Variants in ALDH1A2 observed in about 807,000 individuals in gnomAD.
ALDH1A2 encodes the protein aldehyde dehydrogenase 1 family member A2.
Under a neutral mutation model 60.3 loss-of-function variants are expected in ALDH1A2, and 27 were observed. The observed-to-expected ratio is 0.45, with a 90% CI of 0.33 to 0.62. ALDH1A2 has a LOEUF of 0.62. Among genes scored for constraint, ALDH1A2 ranks in the 20% least tolerant of loss-of-function variants. The pLI is 0.02. For synonymous variants in ALDH1A2, 289 were observed against 232.4 expected (o/e 1.24, Z -2.21); for missense variants, 581 against 643.8 (o/e 0.90, Z 1.06).
At chr15:58,061,016 A>AGAAT (rs1194367608) in intron 1 of ALDH1A2, among the ~76,000 whole-genome samples, 2 of 152,212 alleles carry the variant, frequency 1.3e-5, no homozygotes, top group Non-Finnish European at 2.9e-5. Flanking sequence ...AGGAAGTCAG[A>AGAAT]CCTCACAAAA....
chr15:57,998,211 C>G (rs1162260590), intron 4 of ALDH1A2, among the ~76,000 whole-genome samples: 3 of 151,844 alleles, frequency 2.0e-5, no homozygotes, highest in Non-Finnish European at 2.9e-5. Context: ...CTTTCTCAGG[C>G]AAGAGAAAGA....
chr15:57,968,703 C>A (rs751795265), intron 7 of ALDH1A2, among the ~76,000 whole-genome samples: 1 of 152,206 alleles, frequency 6.6e-6, no homozygotes, highest in Admixed American at 6.5e-5. Context: ...GAGTTTTACA[C>A]ATAGTAAGAT....
At chr15:58,017,177 T>G (rs1427367579) in intron 1 of ALDH1A2, among the ~76,000 whole-genome samples, 1 of 152,140 alleles carries the variant, frequency 6.6e-6, no homozygotes, top group Non-Finnish European at 1.5e-5. Flanking sequence ...TCTAACCCAT[T>G]AATTATTTAA....
intron 7 of ALDH1A2, among the ~76,000 whole-genome samples, chr15:57,966,631 C>T (rs1313171788): frequency 6.6e-6 from 1 of 152,220 alleles, no homozygotes; most frequent in Non-Finnish European, 1.5e-5. Context: ...GAGAAGCCCT[C>T]TTCCAAGTGG....
At chr15:58,030,902 A>G (rs1397886034) in intron 1 of ALDH1A2, among the ~76,000 whole-genome samples, 1 of 152,220 alleles carries the variant, frequency 6.6e-6, no homozygotes, top group African/African-American at 2.4e-5. Flanking sequence ...AGACGGAAGA[A>G]CATTCCATGC....
At chr15:57,978,160 TCTTC>T (rs1264446333) in intron 7 of ALDH1A2, among the ~76,000 whole-genome samples, 2 of 152,212 alleles carry the variant, frequency 1.3e-5, no homozygotes, top group African/African-American at 2.4e-5. Context: ...TGACTTCCTC[TCTTC>T]CTAATTGAAT....
Position 58,016,519 on chromosome 15 carries a change from A to G in ALDH1A2, c.118-2238T>C, listed in dbSNP as rs143530458. Among the ~76,000 whole-genome samples, 1,382 of 152,292 alleles carry G rather than the reference A, an allele frequency of 9.1e-3. 18 individuals carry two copies. Among genetic ancestry groups the G allele is most frequent in the South Asian group, 0.031 (152 of 4,826 alleles). On this transcript the variant is annotated intron_variant, in intron 1 of 12. Coordinates refer to ENST00000249750, the MANE Select transcript of ALDH1A2 (RefSeq NM_003888.4). Reference sequence around the variant, plus strand: ...ATATTTCATGACTTTTGTTTCTTACAGGTTTTCCAAAAATCAAAAGGAAAA... The same window carrying G: ...ATATTTCATGACTTTTGTTTCTTACGGGTTTTCCAAAAATCAAAAGGAAAA...
At chr15:58,001,470 C>T (rs1895267270) in intron 4 of ALDH1A2, among the ~76,000 whole-genome samples, 1 of 151,870 alleles carries the variant, frequency 6.6e-6, no homozygotes, top group Non-Finnish European at 1.5e-5. Context: ...TACAGAGAAA[C>T]ATTCCCTGGA....
At chr15:57,991,804 C>T (rs1234575031) in intron 7 of ALDH1A2, among the ~76,000 whole-genome samples, 1 of 152,142 alleles carries the variant, frequency 6.6e-6, no homozygotes, top group African/African-American at 2.4e-5. Flanking sequence ...TAGCACTGTT[C>T]TAGACCTGCG....
At chr15:58,053,787 A>G (rs1896832429) in intron 1 of ALDH1A2, among the ~76,000 whole-genome samples, 1 of 152,176 alleles carries the variant, frequency 6.6e-6, no homozygotes, top group Non-Finnish European at 1.5e-5. Context: ...ACACATCACT[A>G]AATAGCTACA....
At chr15:57,988,909 C>T (rs1894801573) in intron 7 of ALDH1A2, among the ~76,000 whole-genome samples, 1 of 152,126 alleles carries the variant, frequency 6.6e-6, no homozygotes, top group African/African-American at 2.4e-5. Flanking sequence ...TGGCTCACAC[C>T]TGTAATCCCA....
intron 1 of ALDH1A2, among the ~76,000 whole-genome samples, chr15:58,052,306 T>C (rs200002527): frequency 1.3e-5 from 2 of 152,244 alleles, no homozygotes; most frequent in Middle Eastern, 3.4e-3. Context: ...TCCCAAGTTC[T>C]GGGCCCAGGA....
chr15:57,955,807 C>T (rs570646038), intron 12 of ALDH1A2, among the ~76,000 whole-genome samples: 45 of 152,214 alleles, frequency 3.0e-4, no homozygotes, highest in Non-Finnish European at 6.0e-4. Context: ...TGTCCTTCTG[C>T]GTGTTTACTA....
At chr15:58,029,058 T>C (rs571263549) in intron 1 of ALDH1A2, among the ~76,000 whole-genome samples, 2 of 149,170 alleles carry the variant, frequency 1.3e-5, no homozygotes, top group South Asian at 4.2e-4. Context: ...ACCAAGTCTA[T>C]TAAGACTCTC....
intron 7 of ALDH1A2, among the ~76,000 whole-genome samples, chr15:57,985,804 T>G (rs1894680589): frequency 6.6e-6 from 1 of 152,206 alleles, no homozygotes; most frequent in African/African-American, 2.4e-5. Flanking sequence ...AACTGCCATC[T>G]TTTGAAAGTA....
intron 12 of ALDH1A2, among the ~76,000 whole-genome samples, chr15:57,958,568 G>C (rs918360629): frequency 3.3e-5 from 5 of 152,180 alleles, no homozygotes; most frequent in Admixed American, 3.3e-4. Context: ...GATGTTTCTG[G>C]AAGTGCCACT....
intron 1 of ALDH1A2, chr15:58,057,906 A>G: frequency 1.9e-6 from 1 of 531,770 alleles, no homozygotes; most frequent in Non-Finnish European, 2.7e-6. Context: ...ACAGCCAAAA[A>G]TAAAAATGAC....
At chr15:58,000,935 T>C (rs1345235019) in intron 4 of ALDH1A2, among the ~76,000 whole-genome samples, 1 of 151,768 alleles carries the variant, frequency 6.6e-6, no homozygotes, top group Non-Finnish European at 1.5e-5. Context: ...GCCTTCATTT[T>C]TATTTATTTT....
intron 1 of ALDH1A2, among the ~76,000 whole-genome samples, chr15:58,025,579 C>G (rs1382579013): frequency 6.6e-6 from 1 of 152,108 alleles, no homozygotes; most frequent in Non-Finnish European, 1.5e-5. Context: ...ACCAAACATA[C>G]AAAGAATAAC....
Sources: allele counts gnomAD v4.1 joint callset (sites outside exome capture counted in the v4.1 genomes callset), GRCh38; gene constraint gnomAD v4.1.1; transcripts MANE v1.5; gene names NCBI Gene and HGNC (gene_info 2026-07-23, HGNC 2026-07-21).